PALLD: variants seen among roughly 807,000 people sequenced by gnomAD.
The protein encoded by PALLD is palladin.
A neutral mutation model predicts 123.5 loss-of-function variants in PALLD; 61 were observed. That is an observed-to-expected ratio of 0.49 (90% CI 0.40 to 0.61). PALLD has a LOEUF of 0.61. Ranked by LOEUF, PALLD falls within the 20% of genes least tolerant of loss-of-function variation. The pLI is 0.00. For synonymous variants in PALLD, 465 were observed against 496.4 expected, an observed-to-expected ratio of 0.94 and a Z score of 0.84; for missense variants, 1,273 against 1,377.0, an observed-to-expected ratio of 0.92 and a Z score of 1.20.
chr4:168,751,324 T>C (rs1731038257), intron 10 of PALLD, among the ~76,000 whole-genome samples: 1 of 152,166 alleles, frequency 6.6e-6, no homozygotes, highest in Non-Finnish European at 1.5e-5. Context: ...CATATTATAT[T>C]TTTGAAGCCT....
intron 21 of PALLD, chr4:168,925,480 G>T (rs1206317075): frequency 1.7e-6 from 1 of 580,894 alleles, no homozygotes; most frequent in Non-Finnish European, 3.1e-6. Context: ...CTATCGCAGT[G>T]TCCTAATGCA....
At chr4:168,681,740 G>T (rs1781574650) in intron 4 of PALLD, among the ~76,000 whole-genome samples, 1 of 151,670 alleles carries the variant, frequency 6.6e-6, no homozygotes, top group Admixed American at 6.6e-5. Flanking sequence ...TAGAGATGGG[G>T]TCTCACTGTG....
intron 4 of PALLD, 29 bp from the exon 5 acceptor site, chr4:168,682,969 G>T: frequency 1.6e-6 from 2 of 1,272,536 alleles, no homozygotes; most frequent in South Asian, 1.2e-5. Flanking sequence ...AAAATATTCT[G>T]ACTAAACACT....
intron 2 of PALLD, among the ~76,000 whole-genome samples, chr4:168,549,048 A>T (rs555832443): frequency 4.6e-5 from 7 of 152,230 alleles, no homozygotes; most frequent in Admixed American, 2.0e-4. Flanking sequence ...AAAAAAAATT[A>T]AAAAAGAAAG....
intron 5 of PALLD, among the ~76,000 whole-genome samples, chr4:168,684,797 A>C (rs141129287): frequency 1.3e-5 from 2 of 152,332 alleles, no homozygotes; most frequent in East Asian, 3.9e-4. Flanking sequence ...TGGCATATTT[A>C]GACACACGAT....
rs1291496005 is a variant in PALLD at position 168,512,110 on chromosome 4, T to TGG, written c.608_609dup (p.Tyr204GlyfsTer13). 1 of 1,614,092 alleles carries TGG rather than the reference T, an allele frequency of 6.2e-7. No homozygotes were observed. On this transcript the variant is annotated frameshift_variant, in exon 2 of 22. Transcript: ENST00000505667. LOFTEE classifies it high-confidence loss of function. ...ATGGGGAGTCCTCGTCACCAGACAG[T>TGG]GGGTACCTGTCTCCTAAAAATCAGC...
In PALLD at chr4:168,808,687, G is replaced by C. The variant is rs142901605; in HGVS notation, c.1965-82235G>C. Among the ~76,000 whole-genome samples the C allele has an allele frequency of 5.1e-3, 773 of 152,274 alleles. 7 individuals carry two copies. The highest frequency in any genetic ancestry group is 0.018 in the African/African-American group (741 of 41,554). On this transcript the variant is annotated intron_variant, in intron 10 of 21. Coordinates refer to ENST00000505667, the MANE Select transcript of PALLD (RefSeq NM_001166108.2). ...ATGTCTGGAGAGGCCTCACAATCAT[G>C]GCAGAAGGTGAAAGGCACATCTCAC...
intron 12 of PALLD, among the ~76,000 whole-genome samples, chr4:168,896,207 T>TC (rs1755124008): frequency 3.2e-5 from 2 of 63,280 alleles, no homozygotes; most frequent in Admixed American, 3.5e-4. Flanking sequence ...AGACTCCATC[T>TC]CAAAAAAAAA....
rs767384375 is a variant in PALLD at position 168,924,286 on chromosome 4, T to G, written c.3090T>G (p.Ile1030Met). The G allele has an allele frequency of 1.9e-6, 3 of 1,613,876 alleles. No homozygotes were observed. Among genetic ancestry groups the G allele is most frequent in the Middle Eastern group, 1.6e-4 (1 of 6,082 alleles). The change falls in exon 19 of 22, where the codon ATT becomes ATG. Residue 1030 changes from isoleucine to methionine, a missense_variant. Around this residue, in one of 2 missense-constraint regions of PALLD, gnomAD observed 329 missense variants for 422.5 expected, o/e 0.78. Coordinates refer to ENST00000505667, the MANE Select transcript of PALLD (RefSeq NM_001166108.2). ...AKEAHKPPVF[I>M]EKLQNTGVAD... ...AAGCACACAAACCCCCTGTGTTTATTGAGAAGCTCCAAAACACAGGAGTTG... is the reference window on the plus strand; with the variant it reads ...AAGCACACAAACCCCCTGTGTTTATGGAGAAGCTCCAAAACACAGGAGTTG...
intron 2 of PALLD, among the ~76,000 whole-genome samples, chr4:168,591,633 C>A (rs1771443876): frequency 6.6e-6 from 1 of 152,154 alleles, no homozygotes; most frequent in Non-Finnish European, 1.5e-5. Flanking sequence ...ATAACATCAA[C>A]TCAAAGTTTA....
At chr4:168,857,488 C>A (rs1229570182) in intron 10 of PALLD, among the ~76,000 whole-genome samples, 1 of 152,106 alleles carries the variant, frequency 6.6e-6, no homozygotes, top group Non-Finnish European at 1.5e-5. Flanking sequence ...TGATAAGCAG[C>A]CCTGTTTAAA....
chr4:168,524,321 A>C (rs1302643450), intron 2 of PALLD, among the ~76,000 whole-genome samples: 1 of 152,182 alleles, frequency 6.6e-6, no homozygotes, highest in Non-Finnish European at 1.5e-5. Context: ...GATTCAGTGA[A>C]CTAGAAATTT....
chr4:168,739,670 T>C (rs955566638), intron 10 of PALLD, among the ~76,000 whole-genome samples: 1 of 152,160 alleles, frequency 6.6e-6, no homozygotes, highest in African/African-American at 2.4e-5. Flanking sequence ...AAATATCACA[T>C]ATCCCCCATT....
At chr4:168,664,769 G>GAAAAAAAAGAAAAAAA (rs1779463896) in intron 2 of PALLD, among the ~76,000 whole-genome samples, 1 of 110,660 alleles carries the variant, frequency 9.0e-6, no homozygotes, top group African/African-American at 3.0e-5. Context: ...AGAGGAGGAG[G>GAAAAAAAAGAAAAAAA]AAAAAAAAAA....
chr4:168,923,330 C>T (rs986342951), intron 18 of PALLD, among the ~76,000 whole-genome samples: 4 of 152,190 alleles, frequency 2.6e-5, no homozygotes, highest in African/African-American at 9.6e-5. Flanking sequence ...GAATTTTCAT[C>T]CTTTTTGAGC....
At chr4:168,836,285 C>T (rs780942619) in intron 10 of PALLD, among the ~76,000 whole-genome samples, 1 of 152,186 alleles carries the variant, frequency 6.6e-6, no homozygotes, top group Non-Finnish European at 1.5e-5. Flanking sequence ...TTCAGTTTGG[C>T]AGAGACTGTT....
chr4:168,593,124 T>A, intron 2 of PALLD, among the ~76,000 whole-genome samples: 1 of 152,272 alleles, frequency 6.6e-6, no homozygotes, highest in South Asian at 2.1e-4. Context: ...ATAAATTTTA[T>A]TTTATAGGCT....
At chr4:168,861,559 C>G (rs537685482) in intron 10 of PALLD, among the ~76,000 whole-genome samples, 3 of 152,118 alleles carry the variant, frequency 2.0e-5, no homozygotes, top group African/African-American at 7.2e-5. Flanking sequence ...CTTTTGTTGT[C>G]TTATCTAAGA....
rs573477613 is a variant in PALLD at position 168,515,151 on chromosome 4, A to T, written c.908+2739A>T. 2.0e-5 allele frequency among the ~76,000 whole-genome samples: 3 copies of T among 152,212 alleles called. No individual in the cohort carries two copies. In the East Asian group the frequency reaches 5.8e-4, roughly 29 times the overall value. ...GAGGGAGAGCATAGATGCTCATTGGATTTTTTAAATTTCTGTTCCAAAGAT... is the reference window on the plus strand; with the variant it reads ...GAGGGAGAGCATAGATGCTCATTGGTTTTTTTAAATTTCTGTTCCAAAGAT... On this transcript the variant is annotated intron_variant, in intron 2 of 21. Transcript: ENST00000505667.
Sources: allele counts gnomAD v4.1 joint callset (sites outside exome capture counted in the v4.1 genomes callset), GRCh38; gene constraint gnomAD v4.1.1; regional missense constraint gnomAD v4.1.1; transcripts MANE v1.5; gene names NCBI Gene and HGNC (gene_info 2026-07-23, HGNC 2026-07-21).